GAN: variants seen among roughly 807,000 people sequenced by gnomAD.
The protein encoded by GAN is gigaxonin, also known as epididymis secretory sperm binding protein.
GAN carries 48 observed loss-of-function variants against 71.3 expected under a neutral mutation model. That is an observed-to-expected ratio of 0.67 (90% CI 0.53 to 0.86). The LOEUF (loss-of-function observed/expected upper bound fraction) is 0.86, where lower values mean the gene tolerates loss of function less well. GAN is among the 40% of genes least tolerant of loss of function. The pLI is 0.00. For missense variants in GAN, 928 were observed against 770.1 expected (o/e 1.21, Z -2.43); for synonymous variants, 386 against 276.8 (o/e 1.39, Z -3.92).
intron 1 of GAN, among the ~76,000 whole-genome samples, chr16:81,317,842 AATC>A (rs1369463929): frequency 2.6e-5 from 4 of 152,312 alleles, no homozygotes; most frequent in South Asian, 4.1e-4. Flanking sequence ...TTCCATTTTC[AATC>A]ATCTTTAAAG....
intron 8 of GAN, 60 bp from the exon 9 acceptor site, chr16:81,365,290 C>CATTGTACA: frequency 6.2e-7 from 1 of 1,610,294 alleles, no homozygotes; most frequent in Non-Finnish European, 8.5e-7. Context: ...AAGAGGAACG[C>CATTGTACA]GGGAGTGAGA....
intron 1 of GAN, among the ~76,000 whole-genome samples, chr16:81,332,884 G>A (rs1387328834): frequency 6.6e-6 from 1 of 152,160 alleles, no homozygotes; most frequent in East Asian, 1.9e-4. Context: ...TCAGGAGGCC[G>A]TGATGTTAAT....
At chr16:81,321,000 T>TG (rs1476729632) in intron 1 of GAN, among the ~76,000 whole-genome samples, 1 of 152,202 alleles carries the variant, frequency 6.6e-6, no homozygotes, top group African/African-American at 2.4e-5. Flanking sequence ...ATAATAACTA[T>TG]GTTCAGTTTC....
At chr16:81,359,922 C>T (rs1010369641) in intron 5 of GAN, among the ~76,000 whole-genome samples, 2 of 152,190 alleles carry the variant, frequency 1.3e-5, no homozygotes. Context: ...TATTTTCGGA[C>T]TGCAGTTGAC....
At position 81,385,896 on chromosome 16, in the gene GAN, C is replaced by T. The variant is rs777104676; in HGVS notation, c.*8300C>T. 1 of 151,314 alleles carries T rather than the reference C, an allele frequency of 6.6e-6. No homozygotes were observed. The highest frequency in any genetic ancestry group is 1.5e-5 in the Non-Finnish European group (1 of 67,982). 9.4% of individuals were successfully genotyped at this position (151,314 alleles called of 1,614,324 possible). A position where few individuals can be genotyped will look rare whatever the true frequency, so the allele number is the denominator to read the frequency against. On this transcript the variant is annotated 3_prime_UTR_variant, in exon 11 of 11. Coordinates refer to ENST00000648994, the MANE Select transcript of GAN (RefSeq NM_022041.4). ...TGCCAAGTAGCTGGGACTACAAGTG[C>T]ACACCAGTATGCCCAGCTAATTTTT...
At chr16:81,329,180 T>C (rs1051162494) in intron 1 of GAN, among the ~76,000 whole-genome samples, 3 of 151,476 alleles carry the variant, frequency 2.0e-5, no homozygotes, top group African/African-American at 4.9e-5. Context: ...TTCTCTTCTC[T>C]TTTTTTTTCC....
At chr16:81,317,686 A>T (rs1244239819) in intron 1 of GAN, among the ~76,000 whole-genome samples, 2 of 152,250 alleles carry the variant, frequency 1.3e-5, no homozygotes, top group Admixed American at 6.5e-5. Context: ...AATTACGGCT[A>T]ACCGCCTTCC....
At chr16:81,348,271 C>G (rs1449507783) in intron 1 of GAN, among the ~76,000 whole-genome samples, 2 of 151,928 alleles carry the variant, frequency 1.3e-5, no homozygotes, top group East Asian at 3.9e-4. Flanking sequence ...ATGAATGTTT[C>G]TTTTTATGTC....
intron 1 of GAN, among the ~76,000 whole-genome samples, chr16:81,337,325 C>G (rs139334664): frequency 1.3e-5 from 2 of 152,262 alleles, no homozygotes; most frequent in African/African-American, 4.8e-5. Flanking sequence ...ATGAATCACC[C>G]CCAAATTTCT....
intron 7 of GAN, among the ~76,000 whole-genome samples, chr16:81,364,520 C>CA (rs1301102847): frequency 5.9e-5 from 9 of 152,192 alleles, no homozygotes; most frequent in Non-Finnish European, 1.3e-4. Context: ...CCCATCTCTA[C>CA]AAAAAAGTTT....
At chr16:81,353,146 C>T (rs1183990683) in intron 2 of GAN, among the ~76,000 whole-genome samples, 2 of 152,122 alleles carry the variant, frequency 1.3e-5, no homozygotes, top group East Asian at 3.9e-4. Context: ...AAAAAATTAG[C>T]CGGGCGAGGT....
At chr16:81,343,954 G>T (rs949531219) in intron 1 of GAN, among the ~76,000 whole-genome samples, 11 of 152,296 alleles carry the variant, frequency 7.2e-5, no homozygotes, top group African/African-American at 2.6e-4. Context: ...AAAATCACAA[G>T]TGTTGCTATA....
intron 1 of GAN, among the ~76,000 whole-genome samples, chr16:81,322,363 C>T (rs760697480): frequency 6.6e-6 from 1 of 152,228 alleles, no homozygotes; most frequent in Non-Finnish European, 1.5e-5. Flanking sequence ...CGGCTAGGTA[C>T]TAGCAAGATG....
At position 81,372,874 on chromosome 16, in the gene GAN, C is replaced by A. The variant is rs1346493568; in HGVS notation, c.1503-4345C>A. ...CCTCCATTTTCACTTTCAGCACAAG[C>A]TTTTAGATTTTTCCCTTTTCCATTT... is the stretch of plus-strand genomic sequence containing the variant. On this transcript the variant is annotated intron_variant, in intron 9 of 10. Coordinates refer to ENST00000648994, the MANE Select transcript of GAN (RefSeq NM_022041.4). 2.0e-5 allele frequency among the ~76,000 whole-genome samples: 3 copies of A among 152,314 alleles called. No homozygotes were observed. The East Asian group carries it at 5.8e-4, about 29-fold the overall frequency.
chr16:81,344,782 C>T (rs1462816453), intron 1 of GAN, among the ~76,000 whole-genome samples: 1 of 152,112 alleles, frequency 6.6e-6, no homozygotes, highest in Non-Finnish European at 1.5e-5. Flanking sequence ...AACTTCTGCA[C>T]AGCAAAAGAA....
In GAN at chr16:81,315,295, A is replaced by C; in HGVS notation, c.167+15A>C. The C allele has an allele frequency of 1.4e-6, 2 of 1,457,402 alleles. No individual in the cohort carries two copies. The highest frequency in any genetic ancestry group is 1.8e-6 in the Non-Finnish European group (2 of 1,092,116). 90.3% of individuals were successfully genotyped at this position (1,457,402 alleles called of 1,614,324 possible). ...CCGTACATCAGGTGGGGAGGGGGCT[A>C]CGGCGGGCGGGCGCGGCGGTGCTGC... On this transcript the variant is annotated intron_variant, in intron 1 of 10. Transcript: ENST00000648994.
rs550278211 is a variant in GAN, at chr16:81,388,932, T to C, written c.*11336T>C. The C allele has an allele frequency of 3.9e-5, 6 of 152,360 alleles. No homozygotes were observed. Among genetic ancestry groups the C allele is most frequent in the Admixed American group, 2.6e-4 (4 of 15,302 alleles). 9.4% of individuals were successfully genotyped at this position (152,360 alleles called of 1,614,324 possible). ...GAAACTCCAAAAAATAAATTTATTG[T>C]TAGTCTAGCATATGCTCATTGAAAT... is the stretch of plus-strand genomic sequence containing the variant. On this transcript the variant is annotated 3_prime_UTR_variant, in exon 11 of 11. Transcript: ENST00000648994.
At chr16:81,360,524 ATCT>A (rs1004130257) in intron 5 of GAN, among the ~76,000 whole-genome samples, 33 of 149,938 alleles carry the variant, frequency 2.2e-4, no homozygotes, top group African/African-American at 7.6e-4. Context: ...CTTTTGATTT[ATCT>A]TCTTTTCTCC....
In GAN at chr16:81,381,961, A is replaced by T. The variant is rs2150701538; in HGVS notation, c.*4365A>T. Reference sequence around the variant, plus strand: ...CAAGTGCCTGATGTACATGATGTACAGTCTTCTGATTGTACCCTCTATATG... The same window carrying T: ...CAAGTGCCTGATGTACATGATGTACTGTCTTCTGATTGTACCCTCTATATG... On this transcript the variant is annotated 3_prime_UTR_variant, in exon 11 of 11. Coordinates refer to ENST00000648994, the MANE Select transcript of GAN (RefSeq NM_022041.4). The T allele has an allele frequency of 6.6e-6, 1 of 152,298 alleles. No homozygotes were observed. The highest frequency in any genetic ancestry group is 1.9e-4 in the East Asian group (1 of 5,178). 9.4% of individuals were successfully genotyped at this position (152,298 alleles called of 1,614,324 possible). A position where few individuals can be genotyped will look rare whatever the true frequency, so the allele number is the denominator to read the frequency against.
Sources: gnomAD v4.1 joint callset for allele counts (sites outside exome capture counted in the v4.1 genomes callset) on GRCh38, gnomAD v4.1.1 for gene constraint, MANE v1.5 for transcripts, NCBI Gene and HGNC (gene_info 2026-07-23, HGNC 2026-07-21) for gene names.